Variants in TULP1 observed in about 807,000 individuals in gnomAD.
TULP1 encodes the protein TUB like protein 1.
Under a neutral mutation model 67.1 loss-of-function variants are expected in TULP1, and 50 were observed. The observed-to-expected ratio is 0.75, with a 90% CI of 0.59 to 0.94. The LOEUF is 0.94. Among genes scored for constraint, TULP1 ranks in the 40% least tolerant of loss-of-function variants. The pLI is 0.00. For synonymous variants in TULP1, 297 were observed against 294.0 expected (o/e 1.01, Z -0.11); for missense variants, 746 against 734.1 (o/e 1.02, Z -0.19).
intron 8 of TULP1, among the ~76,000 whole-genome samples, chr6:35,507,064 C>T (rs1165787389): frequency 1.3e-5 from 2 of 151,768 alleles, no homozygotes; most frequent in Admixed American, 1.3e-4. Flanking sequence ...AGGGTTGGTC[C>T]CTGTGACCAG....
intron 2 of TULP1, 90 bp downstream of exon 2, chr6:35,512,549 G>A: frequency 6.4e-7 from 1 of 1,555,058 alleles, no homozygotes; most frequent in South Asian, 1.1e-5. Context: ...TGCTAAGGGG[G>A]ACCTGTCCCA....
chr6:35,505,636 G>A (rs1187656927), intron 11 of TULP1, 105 bp downstream of exon 11: 3 of 1,559,844 alleles, frequency 1.9e-6, no homozygotes, highest in African/African-American at 2.7e-5. Context: ...CGTTTCCAGG[G>A]TGCCCACTGT....
intron 4 of TULP1, 151 bp from the exon 5 acceptor site, chr6:35,511,161 CAGA>C: frequency 2.0e-6 from 3 of 1,500,502 alleles, no homozygotes; most frequent in Non-Finnish European, 2.7e-6. Flanking sequence ...GGCACCTTCC[CAGA>C]AGAATGAGGG....
chr6:35,500,745 C>G (rs975078539), intron 13 of TULP1, among the ~76,000 whole-genome samples: 1 of 152,202 alleles, frequency 6.6e-6, no homozygotes, highest in African/African-American at 2.4e-5. Flanking sequence ...TTCCATGACA[C>G]CTTGCTCTTA....
intron 8 of TULP1, among the ~76,000 whole-genome samples, chr6:35,507,895 G>A (rs909809456): frequency 5.3e-5 from 8 of 152,128 alleles, no homozygotes; most frequent in Admixed American, 6.5e-5. Context: ...GCTCGCTGCA[G>A]CCTCCACCTC....
In TULP1 at chr6:35,503,583, C is replaced by A; in HGVS notation, c.1299G>T (p.Glu433Asp). 6.3e-7 allele frequency: 1 copy of A among 1,584,972 alleles called. No individual in the cohort carries two copies. Among genetic ancestry groups the A allele is most frequent in the East Asian group, 2.3e-5 (1 of 43,206 alleles). The stretch of plus-strand genomic sequence containing the variant: ...CATTTCGGGGCCGGATGGGGACCCT[C>A]TCGTTCTCCGCACTCATGCCAGGAA... The part of the protein sequence containing the change: ...VIIPGMSAEN[E>D]RVPIRPRNAS... The change falls in exon 13 of 15, where the codon GAG becomes GAT. Residue 433 changes from glutamate (E) to aspartate (D), a missense_variant. By Grantham distance (45) the Glu-to-Asp change is conservative. Coordinates refer to ENST00000229771, the MANE Select transcript of TULP1 (RefSeq NM_003322.6). This position sits in a 1 kb window ranked among gnomAD's most constrained non-coding sequence, Gnocchi z 4.0.
Position 35,498,752 on chromosome 6 carries a change from A to T in TULP1, c.1496-292T>A, listed in dbSNP as rs957176415. Among the ~76,000 whole-genome samples, 16 of 152,134 alleles carry T rather than the reference A, an allele frequency of 1.1e-4. No homozygotes were observed. Among genetic ancestry groups the T allele is most frequent in the Admixed American group, 6.5e-4 (10 of 15,282 alleles). ...TTAACTATAGGACCCTGTCAAATTT[A>T]TCCAAGCCCAGCATTCTTCCTTCCC... On this transcript the variant is annotated intron_variant, in intron 14 of 14. Coordinates refer to ENST00000229771, the MANE Select transcript of TULP1 (RefSeq NM_003322.6). The surrounding 1 kb of genome is among the most constrained non-coding windows in gnomAD (Gnocchi z 6.7).
At chr6:35,512,390 G>A (rs1761229567) in intron 2 of TULP1, 120 bp from the exon 3 acceptor site, 1 of 674,548 alleles carries the variant, frequency 1.5e-6, no homozygotes, top group Non-Finnish European at 2.5e-6. Context: ...GGGAACTGCA[G>A]CCCCCTTCTT....
intron 3 of TULP1, 55 bp from the exon 4 acceptor site, chr6:35,511,861 C>A (rs1761212566): frequency 6.8e-6 from 10 of 1,472,968 alleles, no homozygotes; most frequent in East Asian, 2.5e-5. Flanking sequence ...CGCGAGGCAG[C>A]GCCTCTACCC....
At chr6:35,505,946 G>C in intron 10 of TULP1, 57 bp downstream of exon 10, 1 of 1,614,090 alleles carries the variant, frequency 6.2e-7, no homozygotes, top group South Asian at 1.1e-5. Context: ...CGTTTGTCCC[G>C]TGGCCCCCAT....
chr6:35,500,105 GCTCTCCAGCGT>G lies in TULP1; in HGVS notation c.1360_1370del (p.Thr454ProfsTer14). Reference sequence around the variant, plus strand: ...GTGGCTTGTTGTGCAGTTCTATGAGGCTCTCCAGCGTCTTGTTCTGCCAGCGCACCAGCAGG... The same window carrying G: ...GTGGCTTGTTGTGCAGTTCTATGAGGCTTGTTCTGCCAGCGCACCAGCAGG... On this transcript the variant is annotated frameshift_variant, in exon 14 of 15. Transcript: ENST00000229771. LOFTEE classifies it high-confidence loss of function. 1 of 1,614,170 alleles carries G rather than the reference GCTCTCCAGCGT, an allele frequency of 6.2e-7. No homozygotes were observed. Among genetic ancestry groups the G allele is most frequent in the Non-Finnish European group, 8.5e-7 (1 of 1,180,034 alleles).
chr6:35,506,345 A>G, intron 8 of TULP1, 66 bp from the exon 9 acceptor site: 1 of 1,546,310 alleles, frequency 6.5e-7, no homozygotes, highest in South Asian at 1.2e-5. Flanking sequence ...CGGGGAAGCC[A>G]CTGCCCCTCA....
intron 13 of TULP1, among the ~76,000 whole-genome samples, chr6:35,500,733 GT>G (rs1161708654): frequency 6.6e-6 from 1 of 152,210 alleles, no homozygotes; most frequent in Non-Finnish European, 1.5e-5. Context: ...TCAGCTCTGA[GT>G]TTCCATGACA....
In TULP1 at chr6:35,503,632, C is replaced by A; in HGVS notation, c.1250G>T (p.Gly417Val). The A allele has an allele frequency of 6.3e-7, 1 of 1,599,142 alleles. No individual in the cohort carries two copies. Among genetic ancestry groups the A allele is most frequent in the East Asian group, 2.3e-5 (1 of 44,084 alleles). The change falls in exon 13 of 15, where the codon GGC becomes GTC. Residue 417 changes from glycine to valine, a missense_variant. Around this residue, in one of 3 missense-constraint regions of TULP1, gnomAD observed 383 missense variants for 374.1 expected, o/e 1.02. Transcript: ENST00000229771. This position sits in a 1 kb window ranked among gnomAD's most constrained non-coding sequence, Gnocchi z 4.0. Reference sequence around the variant, plus strand: ...AATGATGACGGTCATGCGCCGGGGGCCACGGAAGCCCAGCACGTTGGTTTC... The same window carrying A: ...AATGATGACGGTCATGCGCCGGGGGACACGGAAGCCCAGCACGTTGGTTTC... The part of the protein sequence containing the change: ...IYETNVLGFR[G>V]PRRMTVIIPG...
Position 35,498,123 on chromosome 6 carries a change from C to G in TULP1, c.*204G>C. 1 of 809,014 alleles carries G rather than the reference C, an allele frequency of 1.2e-6. No individual in the cohort carries two copies. Among genetic ancestry groups the G allele is most frequent in the Non-Finnish European group, 1.9e-6 (1 of 526,278 alleles). 50.1% of individuals were successfully genotyped at this position (809,014 alleles called of 1,614,324 possible). A position where few individuals can be genotyped will look rare whatever the true frequency, so the allele number is the denominator to read the frequency against. On this transcript the variant is annotated 3_prime_UTR_variant, in exon 15 of 15. Transcript: ENST00000229771. This position sits in a 1 kb window ranked among gnomAD's most constrained non-coding sequence, Gnocchi z 6.7. ...CTCCAACTCCAGATGTTCTTCATCT[C>G]CGTCCTACCCGCCGTCCGGGCTCCT... is the stretch of plus-strand genomic sequence containing the variant.
Position 35,503,520 on chromosome 6 carries a change from C to T in TULP1, c.1323+39G>A. ...AAGCTGAGCCCCGACTCCTGTTTCTCACATAGGGAGCCAGGGGCCAGGGAG... is the reference window on the plus strand; with the variant it reads ...AAGCTGAGCCCCGACTCCTGTTTCTTACATAGGGAGCCAGGGGCCAGGGAG... On this transcript the variant is annotated intron_variant, in intron 13 of 14. Coordinates refer to ENST00000229771, the MANE Select transcript of TULP1 (RefSeq NM_003322.6). The surrounding 1 kb of genome is among the most constrained non-coding windows in gnomAD (Gnocchi z 4.0). 6.5e-7 allele frequency: 1 copy of T among 1,545,270 alleles called. No individual in the cohort carries two copies. The highest frequency in any genetic ancestry group is 8.8e-7 in the Non-Finnish European group (1 of 1,141,852).
At chr6:35,512,601 G>T in intron 2 of TULP1, 38 bp downstream of exon 2, 1 of 1,613,846 alleles carries the variant, frequency 6.2e-7, no homozygotes. Context: ...GCACAGCGGG[G>T]ACATCTTTCT....
chr6:35,510,490 C>T (rs1253047920), intron 5 of TULP1, among the ~76,000 whole-genome samples: 2 of 152,220 alleles, frequency 1.3e-5, no homozygotes, highest in Non-Finnish European at 2.9e-5. Context: ...CAGGCCAGGA[C>T]ACCATCACAG....
rs1761069350 is a variant in TULP1, at chr6:35,505,845, G to C, written c.1008C>G (p.Leu336=). 6.2e-7 allele frequency: 1 copy of C among 1,614,224 alleles called. No homozygotes were observed. The highest frequency in any genetic ancestry group is 2.2e-5 in the East Asian group (1 of 44,884). Residue 336 remains leucine, a synonymous_variant, in exon 11 of 15, where the codon CTC becomes CTG. Coordinates refer to ENST00000229771, the MANE Select transcript of TULP1 (RefSeq NM_003322.6). The stretch of plus-strand genomic sequence containing the variant: ...TCCGTTTTCGTTTCCTGCCAGCCAA[G>C]AGGAACACCTGGGGAAAAGGGGAGA... The part of the protein sequence containing the change: ...LHLDTEKKVF[L]LAGRKRKRSK...
Sources: gnomAD v4.1 joint callset for allele counts (sites outside exome capture counted in the v4.1 genomes callset) on GRCh38, gnomAD v4.1.1 for gene constraint, gnomAD v4.1.1 regional missense constraint, Gnocchi (gnomAD v3.1) non-coding constraint, MANE v1.5 for transcripts, NCBI Gene and HGNC (gene_info 2026-07-23, HGNC 2026-07-21) for gene names.